Variants in COMMD1 observed in about 807,000 individuals in gnomAD.
COMMD1 encodes the protein copper metabolism domain containing 1.
COMMD1 carries 10 observed loss-of-function variants against 17.2 expected under a neutral mutation model. That is an observed-to-expected ratio of 0.58 (90% confidence interval 0.36 to 0.99). The LOEUF is 0.99. COMMD1 is among the 50% of genes least tolerant of loss of function. The pLI, the probability that COMMD1 is intolerant of heterozygous loss-of-function variation, is 0.01. For missense variants in COMMD1, 270 were observed against 231.8 expected, an observed-to-expected ratio of 1.17 and a Z score of -1.07; for synonymous variants, 97 against 91.6, an observed-to-expected ratio of 1.06 and a Z score of -0.34.
intron 1 of COMMD1, among the ~76,000 whole-genome samples, chr2:61,949,102 T>A (rs947839562): frequency 6.6e-6 from 1 of 152,212 alleles, no homozygotes; most frequent in African/African-American, 2.4e-5. Flanking sequence ...AGCAAGACCC[T>A]GTCTCTTAAA....
At chr2:61,892,820 G>A (rs1164588229) in intron 1 of COMMD1, among the ~76,000 whole-genome samples, 1 of 151,374 alleles carries the variant, frequency 6.6e-6, no homozygotes, top group African/African-American at 2.4e-5. Flanking sequence ...GTTTATTATC[G>A]AGACCACCAT....
chr2:61,898,189 C>G (rs1669591049), intron 1 of COMMD1, among the ~76,000 whole-genome samples: 1 of 152,154 alleles, frequency 6.6e-6, no homozygotes. Flanking sequence ...CAACTAATAC[C>G]TGTTGCTGGG....
At chr2:62,046,556 A>C (rs527622229) in intron 2 of COMMD1, among the ~76,000 whole-genome samples, 12 of 152,176 alleles carry the variant, frequency 7.9e-5, no homozygotes, top group African/African-American at 2.9e-4. Flanking sequence ...TGAAAATTAA[A>C]ATTAGAGTAG....
chr2:62,113,909 T>C (rs1672521643), intron 2 of COMMD1, among the ~76,000 whole-genome samples: 1 of 152,244 alleles, frequency 6.6e-6, no homozygotes. Context: ...ATATAAAGGC[T>C]TTGCTTTAGA....
chr2:61,947,356 C>G (rs150279975), intron 1 of COMMD1, among the ~76,000 whole-genome samples: 1 of 151,866 alleles, frequency 6.6e-6, no homozygotes, highest in Non-Finnish European at 1.5e-5. Context: ...TTTTAAACAG[C>G]CTTTGAGCAA....
rs188931961 is a variant in COMMD1 at position 62,018,891 on chromosome 2, T to C, written c.462+17909T>C. On this transcript the variant is annotated intron_variant, in intron 2 of 2. Transcript: ENST00000311832. ...TTGAGGTGCTAGTAGGTTTTGTGTT[T>C]GGTGAAGGCCTGGTCTCTGCTGCCA... Among the ~76,000 whole-genome samples the C allele has an allele frequency of 3.0e-3, 451 of 152,312 alleles. 1 individual carries two copies. Among genetic ancestry groups the C allele is most frequent in the African/African-American group, 0.01 (431 of 41,560 alleles).
intron 1 of COMMD1, among the ~76,000 whole-genome samples, chr2:61,960,419 A>G (rs1320901388): frequency 6.6e-6 from 1 of 152,122 alleles, no homozygotes; most frequent in Non-Finnish European, 1.5e-5. Flanking sequence ...CACCAACAAG[A>G]AGGAGTATAC....
chr2:61,925,655 G>A (rs1181935372), intron 1 of COMMD1, among the ~76,000 whole-genome samples: 2 of 151,932 alleles, frequency 1.3e-5, no homozygotes, highest in African/African-American at 2.4e-5. Context: ...TTGGGGGAAG[G>A]GTGGGCAGCA....
intron 1 of COMMD1, among the ~76,000 whole-genome samples, chr2:61,927,387 T>A (rs1670354251): frequency 6.6e-6 from 1 of 152,100 alleles, no homozygotes; most frequent in African/African-American, 2.4e-5. Context: ...GGTGACTCCA[T>A]TTTTTGTTTG....
At position 61,945,037 on chromosome 2, in the gene COMMD1, G is replaced by C. The variant is rs557388972; in HGVS notation, c.180+39179G>C. Among the ~76,000 whole-genome samples, 4 of 152,314 alleles carry C rather than the reference G, an allele frequency of 2.6e-5. No homozygotes were observed. The East Asian group carries it at 7.7e-4, about 29-fold the overall frequency. ...CATTCAGATTTGGCCAAGTCGGTTA[G>C]AGTTGGAGCTCGTCAAACCTGATGG... On this transcript the variant is annotated intron_variant, in intron 1 of 2. Coordinates refer to ENST00000311832, the MANE Select transcript of COMMD1 (RefSeq NM_152516.4).
chr2:61,955,258 G>A (rs1387290565), intron 1 of COMMD1, among the ~76,000 whole-genome samples: 1 of 151,882 alleles, frequency 6.6e-6, no homozygotes, highest in Non-Finnish European at 1.5e-5. Flanking sequence ...GAAGGCTGAG[G>A]CAGGAGGATT....
chr2:61,999,457 A>G (rs993259822), intron 1 of COMMD1, among the ~76,000 whole-genome samples: 2 of 152,256 alleles, frequency 1.3e-5, no homozygotes, highest in Admixed American at 1.3e-4. Flanking sequence ...CATTCACTTA[A>G]CAATAATTTA....
At position 61,953,810 on chromosome 2, in the gene COMMD1, T is replaced by A. The variant is rs1456393986; in HGVS notation, c.181-46891T>A. 2.6e-5 allele frequency among the ~76,000 whole-genome samples: 4 copies of A among 152,202 alleles called. No individual in the cohort carries two copies. The South Asian group carries it at 6.2e-4, about 24-fold the overall frequency. ...ATTCTAATAGATGTGTAGTAGTACC[T>A]CATAGTTTTAAAATAATTTTTAATT... On this transcript the variant is annotated intron_variant, in intron 1 of 2. Transcript: ENST00000311832.
chr2:61,974,383 A>G (rs1472864510), intron 1 of COMMD1, among the ~76,000 whole-genome samples: 2 of 151,330 alleles, frequency 1.3e-5, no homozygotes, highest in African/African-American at 4.9e-5. Context: ...ATCTATTAAT[A>G]TTTTTTTTGG....
chr2:61,937,091 G>A (rs1023702338), intron 1 of COMMD1, among the ~76,000 whole-genome samples: 1 of 152,186 alleles, frequency 6.6e-6, no homozygotes, highest in African/African-American at 2.4e-5. Context: ...GAATGTCTGG[G>A]TTAAGATAAG....
intron 2 of COMMD1, among the ~76,000 whole-genome samples, chr2:62,076,594 A>G (rs577353152): frequency 6.6e-6 from 1 of 152,140 alleles, no homozygotes; most frequent in African/African-American, 2.4e-5. Context: ...TAAAAACACA[A>G]AAACTAGCCG....
At chr2:62,004,506 C>G (rs1573057990) in intron 2 of COMMD1, among the ~76,000 whole-genome samples, 1 of 151,914 alleles carries the variant, frequency 6.6e-6, no homozygotes, top group African/African-American at 2.4e-5. Flanking sequence ...GTTTCACCAT[C>G]TTGGCCAGGC....
At chr2:62,027,959 G>T (rs1669810863) in intron 2 of COMMD1, among the ~76,000 whole-genome samples, 1 of 152,020 alleles carries the variant, frequency 6.6e-6, no homozygotes, top group Non-Finnish European at 1.5e-5. Flanking sequence ...GGCCTTCTAT[G>T]CCTTATTTTA....
At chr2:62,058,504 G>A (rs1670771483) in intron 2 of COMMD1, among the ~76,000 whole-genome samples, 1 of 152,112 alleles carries the variant, frequency 6.6e-6, no homozygotes, top group East Asian at 1.9e-4. Context: ...GACCAGGCAT[G>A]GTGGCTTATA....
Sources: gnomAD v4.1 joint callset for allele counts (sites outside exome capture counted in the v4.1 genomes callset) on GRCh38, gnomAD v4.1.1 for gene constraint, MANE v1.5 for transcripts, NCBI Gene and HGNC (gene_info 2026-07-23, HGNC 2026-07-21) for gene names.